CCNG2: variants seen among roughly 807,000 people sequenced by gnomAD.
CCNG2 encodes the protein cyclin G2.
In CCNG2, 20 loss-of-function variants were observed where a neutral mutation model predicts 36.5. The observed-to-expected ratio is 0.55, with a 90% CI of 0.39 to 0.80. The LOEUF (loss-of-function observed/expected upper bound fraction) is 0.80, where lower values mean the gene tolerates loss of function less well. Ranked by LOEUF, CCNG2 falls within the 30% of genes least tolerant of loss-of-function variation. The probability of loss-of-function intolerance (pLI) is 0.00; values close to 1 mark genes in which losing one functional copy is unlikely to be tolerated. For synonymous variants in CCNG2, 155 were observed against 140.1 expected (o/e 1.11, Z -0.75); for missense variants, 358 against 390.8 (o/e 0.92, Z 0.71).
At chr4:77,161,620 AT>A (rs1344125716) in intron 5 of CCNG2, 28 bp from the exon 6 acceptor site, 1 of 1,568,270 alleles carries the variant, frequency 6.4e-7, no homozygotes, top group Non-Finnish European at 8.6e-7. Context: ...TTTAAAAAAT[AT>A]TTTTCTTTTT....
At chr4:77,161,361 C>G in intron 4 of CCNG2, 119 bp from the exon 5 acceptor site, 1 of 727,934 alleles carries the variant, frequency 1.4e-6, no homozygotes, top group Non-Finnish European at 2.2e-6. Flanking sequence ...TTCTGCCTTC[C>G]AAAGTGGTGG....
intron 4 of CCNG2, 146 bp downstream of exon 4, chr4:77,161,117 T>TTTTC: frequency 1.4e-6 from 1 of 710,906 alleles, no homozygotes; most frequent in Non-Finnish European, 2.2e-6. Context: ...TTTTTTTTTT[T>TTTTC]TGGAGAAGGA....
chr4:77,165,991 T>C lies in CCNG2; in HGVS notation c.*67T>C. ...AAGCAATAAATGGGGGAATAGGTAGTTTCCTGGTTTAGCCCCCATCTAGTC... is the reference window on the plus strand; with the variant it reads ...AAGCAATAAATGGGGGAATAGGTAGCTTCCTGGTTTAGCCCCCATCTAGTC... On this transcript the variant is annotated 3_prime_UTR_variant, in exon 8 of 8. Coordinates refer to ENST00000316355, the MANE Select transcript of CCNG2 (RefSeq NM_004354.3). 2 of 1,477,700 alleles carry C rather than the reference T, an allele frequency of 1.4e-6. No homozygotes were observed. Among genetic ancestry groups the C allele is most frequent in the South Asian group, 2.6e-5 (2 of 75,878 alleles). 91.5% of individuals were successfully genotyped at this position (1,477,700 alleles called of 1,614,324 possible). A position where few individuals can be genotyped will look rare whatever the true frequency, so the allele number is the denominator to read the frequency against.
chr4:77,164,329 A>G lies in CCNG2; in HGVS notation c.761A>G (p.Glu254Gly). 3 of 1,614,024 alleles carry G rather than the reference A, an allele frequency of 1.9e-6. No individual in the cohort carries two copies. The highest frequency in any genetic ancestry group is 2.5e-6 in the Non-Finnish European group (3 of 1,179,984). The change falls in exon 7 of 8, where the codon GAG becomes GGG. Residue 254 changes from glutamate to glycine, a missense_variant. By Grantham distance (98) the Glu-to-Gly change is moderately conservative. Coordinates refer to ENST00000316355, the MANE Select transcript of CCNG2 (RefSeq NM_004354.3). ...GAGTTGGTTTCTAAATGCCTAGCCG[A>G]GTATTCTTCTCCTGAATGTTGCAAA... ...WRELVSKCLAEYSSPECCKPD... is the reference protein window; with the variant it reads ...WRELVSKCLAGYSSPECCKPD...
intron 7 of CCNG2, among the ~76,000 whole-genome samples, chr4:77,165,432 CTT>C (rs11399689): frequency 2.7e-5 from 4 of 145,712 alleles, no homozygotes; most frequent in Non-Finnish European, 1.5e-5. Context: ...TTCTTTCTTT[CTT>C]TTTTTTTTTG....
At chr4:77,164,182 T>TA in intron 6 of CCNG2, 92 bp from the exon 7 acceptor site, 2 of 833,598 alleles carry the variant, frequency 2.4e-6, no homozygotes, top group East Asian at 5.1e-5. Flanking sequence ...GGCATCTATA[T>TA]ATATATATTT....
At chr4:77,163,836 G>T (rs1284028832) in intron 6 of CCNG2, among the ~76,000 whole-genome samples, 1 of 152,196 alleles carries the variant, frequency 6.6e-6, no homozygotes, top group African/African-American at 2.4e-5. Context: ...TCCAAACAAT[G>T]CCTTGTTGCA....
chr4:77,168,821 A>C lies in CCNG2; in HGVS notation c.*2897A>C, dbSNP rs940488704. 1 of 152,234 alleles carries C rather than the reference A, an allele frequency of 6.6e-6. No homozygotes were observed. The highest frequency in any genetic ancestry group is 2.4e-5 in the African/African-American group (1 of 41,448). 9.4% of individuals were successfully genotyped at this position (152,234 alleles called of 1,614,324 possible). ...ATGACTGTGATGAATAAAATTGAGA[A>C]GCCCCTGCCCTTTTCAGAGCAGAGG... On this transcript the variant is annotated 3_prime_UTR_variant, in exon 8 of 8. Coordinates refer to ENST00000316355, the MANE Select transcript of CCNG2 (RefSeq NM_004354.3).
Position 77,164,392 on chromosome 4 carries a change from G to T in CCNG2, c.824G>T (p.Arg275Leu). Reference sequence around the variant, plus strand: ...AAGTTGGTTTGGATCGTTTCAAGGCGCACAGCCCAGAACCTCCACAACAGC... The same window carrying T: ...AAGTTGGTTTGGATCGTTTCAAGGCTCACAGCCCAGAACCTCCACAACAGC... ...LKKLVWIVSR[R>L]TAQNLHNSYY... is the part of the protein sequence containing the mutation. The change falls in exon 7 of 8, where the codon CGC becomes CTC. Residue 275 changes from arginine (R) to leucine (L), a missense_variant. By Grantham distance (102) the Arg-to-Leu change is moderately radical. Coordinates refer to ENST00000316355, the MANE Select transcript of CCNG2 (RefSeq NM_004354.3). The T allele has an allele frequency of 1.2e-6, 2 of 1,613,966 alleles. No individual in the cohort carries two copies. The highest frequency in any genetic ancestry group is 1.7e-6 in the Non-Finnish European group (2 of 1,179,916).
intron 2 of CCNG2, among the ~76,000 whole-genome samples, chr4:77,158,983 C>A (rs1040706566): frequency 5.3e-5 from 8 of 152,188 alleles, no homozygotes; most frequent in Admixed American, 5.2e-4. Context: ...GTGCAAACAC[C>A]CTCTGCCTGT....
rs762498274 is a variant in CCNG2 at position 77,168,243 on chromosome 4, T to C, written c.*2319T>C. 2.6e-5 allele frequency: 4 copies of C among 152,242 alleles called. 1 individual carries two copies. The highest frequency in any genetic ancestry group is 2.9e-5 in the Non-Finnish European group (2 of 68,058). 9.4% of individuals were successfully genotyped at this position (152,242 alleles called of 1,614,324 possible). A position where few individuals can be genotyped will look rare whatever the true frequency, so the allele number is the denominator to read the frequency against. ...TGTTTATGGAGGTCACCAGCCTCTA[T>C]CATTTGTATGATTTCGTTTACACTG... On this transcript the variant is annotated 3_prime_UTR_variant, in exon 8 of 8. Coordinates refer to ENST00000316355, the MANE Select transcript of CCNG2 (RefSeq NM_004354.3).
chr4:77,157,927 C>T (rs1577902537), intron 1 of CCNG2, among the ~76,000 whole-genome samples: 1 of 151,926 alleles, frequency 6.6e-6, no homozygotes, highest in Non-Finnish European at 1.5e-5. Context: ...CCGGGTGTGC[C>T]GCGCCACCCC....
At chr4:77,158,258 GT>G (rs1731324523) in intron 1 of CCNG2, 1 of 442,100 alleles carries the variant, frequency 2.3e-6, no homozygotes, top group African/African-American at 2.0e-5. Context: ...CCCGCGGACA[GT>G]TTCCTGTTTG....
chr4:77,164,860 G>C (rs923009876), intron 7 of CCNG2: 2 of 155,712 alleles, frequency 1.3e-5, no homozygotes, highest in East Asian at 3.7e-4. Context: ...TAAAGTGGTT[G>C]TTTTCCATCT....
In CCNG2 at chr4:77,161,496, C is replaced by T. The variant is rs1297282527; in HGVS notation, c.544C>T (p.Leu182Phe). The T allele has an allele frequency of 6.2e-7, 1 of 1,603,474 alleles. No homozygotes were observed. Among genetic ancestry groups the T allele is most frequent in the Admixed American group, 1.7e-5 (1 of 57,930 alleles). Residue 182 changes from leucine to phenylalanine, a missense_variant, in exon 5 of 8, where the codon CTT becomes TTT. Transcript: ENST00000316355. ...HTSERKEILSLDKLEAQLKAC... is the reference protein window; with the variant it reads ...HTSERKEILSFDKLEAQLKAC... ...ATTGTATAGGAAAGAAATACTGAGC[C>T]TTGATAAACTAGAAGCTCAGCTGAA...
At chr4:77,157,748 C>T (rs1360851705) in intron 1 of CCNG2, among the ~76,000 whole-genome samples, 2 of 152,066 alleles carry the variant, frequency 1.3e-5, no homozygotes, top group Non-Finnish European at 2.9e-5. Context: ...CTCGGTGCCC[C>T]CCGCCCCCGC....
Position 77,168,145 on chromosome 4 carries a change from T to G in CCNG2, c.*2221T>G, listed in dbSNP as rs1248691233. The G allele has an allele frequency of 1.3e-5, 2 of 152,224 alleles. No individual in the cohort carries two copies. The highest frequency in any genetic ancestry group is 2.9e-5 in the Non-Finnish European group (2 of 68,046). 9.4% of individuals were successfully genotyped at this position (152,224 alleles called of 1,614,324 possible). On this transcript the variant is annotated 3_prime_UTR_variant, in exon 8 of 8. Coordinates refer to ENST00000316355, the MANE Select transcript of CCNG2 (RefSeq NM_004354.3). ...GATTACTCCCAAACCTGCTGGTTCT[T>G]TATGTCTTTCTCAGCGAATAATTCC...
At chr4:77,165,778 T>C in intron 7 of CCNG2, 23 bp from the exon 8 acceptor site, 1 of 1,531,660 alleles carries the variant, frequency 6.5e-7, no homozygotes, top group Non-Finnish European at 8.8e-7. Flanking sequence ...GTATCCTCTT[T>C]TTTTGTCTCT....
rs76504698 is a variant in CCNG2, at chr4:77,163,194, G to A, written c.706-1080G>A. On this transcript the variant is annotated intron_variant, in intron 6 of 7. Transcript: ENST00000316355. ...AAGAAGCTGTGGAATCCTTTTTGTA[G>A]GGGTCAGTTGAAGCTCTGGGGTTTT... is the stretch of plus-strand genomic sequence containing the variant. 4.7e-3 allele frequency among the ~76,000 whole-genome samples: 710 copies of A among 152,208 alleles called. 5 individuals carry two copies. The highest frequency in any genetic ancestry group is 0.017 in the African/African-American group (688 of 41,528).
Sources: allele counts gnomAD v4.1 joint callset (sites outside exome capture counted in the v4.1 genomes callset), GRCh38; gene constraint gnomAD v4.1.1; transcripts MANE v1.5; gene names NCBI Gene and HGNC (gene_info 2026-07-23, HGNC 2026-07-21).